The following TOX3 variants were observed in gnomAD, a reference collection of about 807,000 sequenced individuals.
TOX3 encodes CAG trinucleotide repeat-containing gene F9 protein.
A neutral mutation model predicts 64.3 loss-of-function variants in TOX3; 22 were observed. That is an observed-to-expected ratio of 0.34 (90% CI 0.24 to 0.49). The LOEUF is 0.49. TOX3 is among the 20% of genes least tolerant of loss of function. The pLI, the probability that TOX3 is intolerant of heterozygous loss-of-function variation, is 0.99. For missense variants in TOX3, 661 were observed against 714.4 expected (o/e 0.93, Z 0.85); for synonymous variants, 291 against 273.6 (o/e 1.06, Z -0.63).
intron 5 of TOX3, chr16:52,445,113 C>T (rs1227438753): frequency 6.6e-6 from 1 of 152,202 alleles, no homozygotes; most frequent in Non-Finnish European, 1.5e-5. Context: ...GAAAATCAGT[C>T]TGCTATCTAC....
intron 1 of TOX3, among the ~76,000 whole-genome samples, chr16:52,516,604 G>T (rs1962464440): frequency 6.6e-6 from 1 of 152,092 alleles, no homozygotes; most frequent in Non-Finnish European, 1.5e-5. Flanking sequence ...TGGAATGAAA[G>T]ATTGAAAAAA....
chr16:52,482,698 G>A (rs1267144802), intron 1 of TOX3, among the ~76,000 whole-genome samples: 2 of 152,096 alleles, frequency 1.3e-5, no homozygotes, highest in Admixed American at 6.6e-5. Context: ...TACCTTTAAA[G>A]TAAAATGTTA....
intron 1 of TOX3, among the ~76,000 whole-genome samples, chr16:52,472,133 G>A (rs962998455): frequency 9.2e-5 from 14 of 152,154 alleles, no homozygotes; most frequent in South Asian, 2.1e-4. Context: ...GATGAGTCAC[G>A]ATGCTCGCTA....
intron 1 of TOX3, among the ~76,000 whole-genome samples, chr16:52,544,871 T>C (rs1172410822): frequency 6.6e-6 from 1 of 152,170 alleles, no homozygotes; most frequent in Admixed American, 6.5e-5. Flanking sequence ...ATTTGTACAA[T>C]AGGTTTCTAT....
At chr16:52,498,546 C>T (rs965870277) in intron 1 of TOX3, among the ~76,000 whole-genome samples, 1 of 152,114 alleles carries the variant, frequency 6.6e-6, no homozygotes, top group Non-Finnish European at 1.5e-5. Context: ...GTCACTTGAC[C>T]TGCCTCCCAA....
intron 2 of TOX3, among the ~76,000 whole-genome samples, chr16:52,467,382 T>TAG (rs1335772184): frequency 1.3e-5 from 2 of 152,202 alleles, no homozygotes; most frequent in Non-Finnish European, 2.9e-5. Flanking sequence ...TCTTCTTGGT[T>TAG]AGAGAGATGA....
At chr16:52,540,023 C>A (rs1289504084) in intron 1 of TOX3, among the ~76,000 whole-genome samples, 1 of 152,172 alleles carries the variant, frequency 6.6e-6, no homozygotes, top group African/African-American at 2.4e-5. Flanking sequence ...CTACACCATT[C>A]TACTCAAAAG....
intron 1 of TOX3, among the ~76,000 whole-genome samples, chr16:52,541,376 C>G (rs559885524): frequency 2.2e-4 from 33 of 152,226 alleles, no homozygotes; most frequent in Non-Finnish European, 4.1e-4. Flanking sequence ...AAACTTGAAG[C>G]CTTCAGGTCC....
At chr16:52,469,107 C>G (rs1198083748) in intron 1 of TOX3, among the ~76,000 whole-genome samples, 1 of 152,140 alleles carries the variant, frequency 6.6e-6, no homozygotes, top group African/African-American at 2.4e-5. Context: ...TTTAAAATCT[C>G]CAAACAGAGC....
chr16:52,450,811 AG>A lies in TOX3; in HGVS notation c.409-266del, dbSNP rs1195305461. On this transcript the variant is annotated intron_variant, in intron 3 of 6. Transcript: ENST00000219746. ...GGATGTGGAAGGAAGGAAGGAAGGA[AG>A]GAAGGAAGGAAGGAAGGAAGGAAGG... Among the ~76,000 whole-genome samples the A allele has an allele frequency of 1.5e-3, 73 of 48,442 alleles. 1 individual carries two copies. The highest frequency in any genetic ancestry group is 1.2e-3 in the Non-Finnish European group (20 of 16,438). 31.8% of individuals were successfully genotyped at this position (48,442 alleles called of 152,430 possible).
At chr16:52,540,020 A>T (rs1387291223) in intron 1 of TOX3, among the ~76,000 whole-genome samples, 1 of 152,006 alleles carries the variant, frequency 6.6e-6, no homozygotes, top group Admixed American at 6.6e-5. Flanking sequence ...GGCCTACACC[A>T]TTCTACTCAA....
intron 3 of TOX3, among the ~76,000 whole-genome samples, chr16:52,460,244 T>C (rs974316581): frequency 2.0e-5 from 3 of 152,136 alleles, no homozygotes; most frequent in Non-Finnish European, 4.4e-5. Flanking sequence ...CAAGGTAATA[T>C]CAAACAGAAA....
chr16:52,518,752 T>C (rs960291056), intron 1 of TOX3, among the ~76,000 whole-genome samples: 3 of 152,196 alleles, frequency 2.0e-5, no homozygotes, highest in South Asian at 4.1e-4. Flanking sequence ...TAATGTTCAT[T>C]TGAGTAATAT....
intron 1 of TOX3, among the ~76,000 whole-genome samples, chr16:52,471,547 G>A (rs1961045598): frequency 6.6e-6 from 1 of 152,088 alleles, no homozygotes; most frequent in African/African-American, 2.4e-5. Flanking sequence ...CATGGGGAAG[G>A]GGCCTTAACT....
intron 1 of TOX3, among the ~76,000 whole-genome samples, chr16:52,470,095 ACATGTG>A (rs1408502298): frequency 6.6e-6 from 1 of 152,242 alleles, no homozygotes. Flanking sequence ...GATATCAGAA[ACATGTG>A]CATGGCTGCA....
chr16:52,470,340 G>A (rs73583149), intron 1 of TOX3, among the ~76,000 whole-genome samples: 2,908 of 152,136 alleles, frequency 0.019, 97 homozygotes, highest in African/African-American at 0.066. Flanking sequence ...CCCCCAAACC[G>A]CCTAACAACA....
intron 1 of TOX3, among the ~76,000 whole-genome samples, chr16:52,516,744 C>G (rs557423486): frequency 5.5e-4 from 84 of 152,094 alleles, no homozygotes; most frequent in Non-Finnish European, 1.0e-3. Flanking sequence ...AAGAGCAGAT[C>G]AGTGGCTGGG....
intron 1 of TOX3, among the ~76,000 whole-genome samples, chr16:52,527,001 C>A (rs550003724): frequency 6.6e-6 from 1 of 152,082 alleles, no homozygotes; most frequent in Non-Finnish European, 1.5e-5. Context: ...AGCGAACAAA[C>A]GAAACACAGC....
intron 3 of TOX3, among the ~76,000 whole-genome samples, chr16:52,456,050 G>T (rs1270785455): frequency 6.6e-6 from 1 of 152,206 alleles, no homozygotes; most frequent in African/African-American, 2.4e-5. Flanking sequence ...TGACAGTCCA[G>T]TGTGACTGGG....
Sources: gnomAD v4.1 joint callset for allele counts (sites outside exome capture counted in the v4.1 genomes callset) on GRCh38, gnomAD v4.1.1 for gene constraint, MANE v1.5 for transcripts, NCBI Gene and HGNC (gene_info 2026-07-23, HGNC 2026-07-21) for gene names.